Variants in OCA2 observed in about 807,000 individuals in gnomAD.
The protein encoded by OCA2 is OCA2 melanosomal transmembrane protein, also known as P protein.
In OCA2, 77 loss-of-function variants were observed where a neutral mutation model predicts 100.2. That is an observed-to-expected ratio of 0.77 (90% CI 0.64 to 0.93). OCA2 has a LOEUF of 0.93. OCA2 is among the 40% of genes least tolerant of loss of function. OCA2 has a pLI of 0.00. For missense variants in OCA2, 1,062 were observed against 1,089.1 expected, an observed-to-expected ratio of 0.98 and a Z score of 0.35; for synonymous variants, 432 against 439.2, an observed-to-expected ratio of 0.98 and a Z score of 0.21.
chr15:28,003,413 C>G (rs1410380837), intron 9 of OCA2, among the ~76,000 whole-genome samples: 1 of 152,258 alleles, frequency 6.6e-6, no homozygotes, highest in Non-Finnish European at 1.5e-5. Context: ...AAAGATGGCT[C>G]TAGAAGCTGG....
chr15:27,945,527 T>A (rs1438197971), intron 18 of OCA2, among the ~76,000 whole-genome samples: 1 of 152,190 alleles, frequency 6.6e-6, no homozygotes, highest in African/African-American at 2.4e-5. Flanking sequence ...TCCTCCTTCC[T>A]GAGCCTGCCC....
At chr15:27,742,551 A>G in the OCA2 span, among the ~76,000 whole-genome samples, 2 of 152,168 alleles carry the variant, frequency 1.3e-5, no homozygotes, top group Non-Finnish European at 2.9e-5. Context: ...TAAGATTTAT[A>G]GGCAATGGAG....
At chr15:27,948,804 C>T (rs2039931917) in intron 18 of OCA2, among the ~76,000 whole-genome samples, 1 of 152,086 alleles carries the variant, frequency 6.6e-6, no homozygotes. Context: ...CTTGGGTGAA[C>T]CATAAAGGCA....
chr15:27,734,512 G>GTTAAAA, the OCA2 span, among the ~76,000 whole-genome samples: 1 of 152,192 alleles, frequency 6.6e-6, no homozygotes, highest in Non-Finnish European at 1.5e-5. Context: ...GCCTGTCATA[G>GTTAAAA]TTAAAACTCA....
chr15:28,039,775 C>G (rs937454030), intron 2 of OCA2, among the ~76,000 whole-genome samples: 4 of 152,298 alleles, frequency 2.6e-5, no homozygotes, highest in Non-Finnish European at 1.5e-5. Flanking sequence ...TGGCTCATGC[C>G]TGTAATCCCA....
At chr15:28,094,319 C>A (rs2044927745) in intron 1 of OCA2, among the ~76,000 whole-genome samples, 1 of 152,182 alleles carries the variant, frequency 6.6e-6, no homozygotes. Flanking sequence ...TATTGGGCCC[C>A]ATGCGCTTGA....
At chr15:27,841,253 T>C (rs900477730) in intron 23 of OCA2, among the ~76,000 whole-genome samples, 1 of 152,212 alleles carries the variant, frequency 6.6e-6, no homozygotes, top group Non-Finnish European at 1.5e-5. Context: ...ATTCTTGCAA[T>C]GACAAAATGT....
rs1203783624 is a variant in OCA2 at position 28,014,625 on chromosome 15, T to G, written c.1044+151A>C. The G allele has an allele frequency of 4.7e-6, 4 of 848,402 alleles. No homozygotes were observed. The South Asian group carries it at 4.8e-5, about 10-fold the overall frequency. 52.6% of individuals were successfully genotyped at this position (848,402 alleles called of 1,614,324 possible). On this transcript the variant is annotated intron_variant, in intron 9 of 23. Coordinates refer to ENST00000354638, the MANE Select transcript of OCA2 (RefSeq NM_000275.3). ...ATTCCTGTATGGTTCCCTTTCTACC[T>G]AGAGAGAGGGACACGCTAATCTTTA... is the stretch of plus-strand genomic sequence containing the variant.
chr15:27,990,962 C>A (rs2041538702), intron 9 of OCA2, among the ~76,000 whole-genome samples: 1 of 152,200 alleles, frequency 6.6e-6, no homozygotes. Flanking sequence ...GCCATATGCT[C>A]CCTTGGCAAC....
intron 23 of OCA2, among the ~76,000 whole-genome samples, chr15:27,769,905 G>C (rs1451056977): frequency 7.5e-6 from 1 of 133,068 alleles, no homozygotes; most frequent in Non-Finnish European, 1.6e-5. Flanking sequence ...GCAGCGCCTC[G>C]GCCTGTGCGC....
chr15:27,753,543 C>T (rs1002428584), downstream of OCA2, among the ~76,000 whole-genome samples: 3 of 152,120 alleles, frequency 2.0e-5, no homozygotes, highest in African/African-American at 7.2e-5. Context: ...ACCATCCTGG[C>T]TAACACAGTG....
chr15:27,841,020 T>C (rs2035322165), intron 23 of OCA2, among the ~76,000 whole-genome samples: 1 of 152,198 alleles, frequency 6.6e-6, no homozygotes, highest in South Asian at 2.1e-4. Context: ...GGAGAAAATG[T>C]CCTATCTGCT....
intron 23 of OCA2, among the ~76,000 whole-genome samples, chr15:27,778,679 T>A (rs1338024583): frequency 6.6e-6 from 1 of 151,846 alleles, no homozygotes; most frequent in Admixed American, 6.6e-5. Flanking sequence ...AGGGCCCTCG[T>A]CCTTCCCACA....
At chr15:27,725,653 TGAA>T in the OCA2 span, among the ~76,000 whole-genome samples, 5 of 152,208 alleles carry the variant, frequency 3.3e-5, no homozygotes, top group Admixed American at 1.3e-4. Context: ...AGGGAGGTTC[TGAA>T]GCTTCTTTAA....
At chr15:27,836,265 G>A (rs1224205067) in intron 23 of OCA2, among the ~76,000 whole-genome samples, 1 of 152,246 alleles carries the variant, frequency 6.6e-6, no homozygotes, top group East Asian at 1.9e-4. Flanking sequence ...AAAAGGGCAG[G>A]GGGTGAGTGG....
chr15:27,987,541 A>C (rs1213749220), intron 11 of OCA2, among the ~76,000 whole-genome samples: 2 of 146,798 alleles, frequency 1.4e-5, no homozygotes, highest in East Asian at 4.2e-4. Flanking sequence ...AACATGGTGA[A>C]ACCCCATCTC....
intron 21 of OCA2, among the ~76,000 whole-genome samples, chr15:27,869,786 G>A (rs1005387352): frequency 1.1e-4 from 16 of 152,236 alleles, no homozygotes; most frequent in African/African-American, 3.6e-4. Context: ...TTTCCCTGGA[G>A]AACAGGATGA....
chr15:27,868,543 T>C (rs1237178928), intron 21 of OCA2, among the ~76,000 whole-genome samples: 1 of 151,648 alleles, frequency 6.6e-6, no homozygotes, highest in Non-Finnish European at 1.5e-5. Context: ...GAGAGTAGAA[T>C]GGTGGCTGTC....
intron 23 of OCA2, among the ~76,000 whole-genome samples, chr15:27,767,905 CCTA>C (rs1405451616): frequency 6.6e-6 from 1 of 152,198 alleles, no homozygotes; most frequent in Non-Finnish European, 1.5e-5. Flanking sequence ...AACAAAAACT[CCTA>C]CTGGAGTCAG....
Sources: allele counts gnomAD v4.1 joint callset (sites outside exome capture counted in the v4.1 genomes callset), GRCh38; gene constraint gnomAD v4.1.1; transcripts MANE v1.5; gene names NCBI Gene and HGNC (gene_info 2026-07-23, HGNC 2026-07-21).